The following COL24A1 variants were observed in gnomAD, a reference collection of about 807,000 sequenced individuals.
COL24A1 encodes collagen type XXIV alpha 1 chain.
COL24A1 carries 224 observed loss-of-function variants against 253.9 expected under a neutral mutation model. The ratio of observed to expected loss-of-function variants is 0.88; its 90% confidence interval spans 0.79 to 0.99. The LOEUF is 0.99. Ranked by LOEUF, COL24A1 falls within the 50% of genes least tolerant of loss-of-function variation. COL24A1 has a pLI of 0.00. For synonymous variants in COL24A1, 685 were observed against 673.7 expected (o/e 1.02, Z -0.26); for missense variants, 2,131 against 2,068.5 (o/e 1.03, Z -0.59).
chr1:85,910,061 G>A (rs1685220452), intron 25 of COL24A1, 58 bp from the exon 26 acceptor site: 1 of 1,350,026 alleles, frequency 7.4e-7, no homozygotes, highest in Non-Finnish European at 1.0e-6. Flanking sequence ...AGTCATGACT[G>A]AGCTAAGCCT....
At chr1:85,816,071 G>A (rs959688058) in intron 47 of COL24A1, among the ~76,000 whole-genome samples, 3 of 151,978 alleles carry the variant, frequency 2.0e-5, no homozygotes, top group African/African-American at 7.3e-5. Context: ...TCCTCACCAA[G>A]GCTGATTTGG....
chr1:85,868,718 G>C (rs1006244411), intron 36 of COL24A1, 64 bp downstream of exon 36: 1 of 1,407,060 alleles, frequency 7.1e-7, no homozygotes, highest in Non-Finnish European at 9.8e-7. Flanking sequence ...AAACAATGAT[G>C]TCTAATATTT....
chr1:85,836,128 A>G (rs1477577304), intron 43 of COL24A1, among the ~76,000 whole-genome samples: 2 of 152,326 alleles, frequency 1.3e-5, no homozygotes, highest in African/African-American at 4.8e-5. Context: ...AGACTTCCTC[A>G]TCAAACCTAG....
chr1:86,026,391 C>A (rs1698023326), intron 14 of COL24A1, among the ~76,000 whole-genome samples: 2 of 152,158 alleles, frequency 1.3e-5, no homozygotes, highest in Non-Finnish European at 2.9e-5. Context: ...AAAGGCAGGA[C>A]CAGGTGGACA....
intron 24 of COL24A1, among the ~76,000 whole-genome samples, chr1:85,937,067 C>G (rs993494237): frequency 6.8e-6 from 1 of 147,492 alleles, no homozygotes; most frequent in Non-Finnish European, 1.5e-5. Flanking sequence ...CCAGCCAGTA[C>G]CTCTTCTTTA....
At chr1:86,106,743 T>C (rs1705017119) in intron 5 of COL24A1, among the ~76,000 whole-genome samples, 1 of 152,162 alleles carries the variant, frequency 6.6e-6, no homozygotes, top group South Asian at 2.1e-4. Flanking sequence ...AAACAGGAAA[T>C]GGAATTTAGT....
intron 42 of COL24A1, among the ~76,000 whole-genome samples, 163 bp from the exon 43 acceptor site, chr1:85,838,801 G>A (rs1676293440): frequency 6.6e-6 from 1 of 152,148 alleles, no homozygotes; most frequent in South Asian, 2.1e-4. Context: ...GAATTTCAAT[G>A]ATACCAAGAA....
At chr1:85,835,120 C>CATAT (rs577103576) in intron 43 of COL24A1, among the ~76,000 whole-genome samples, 1 of 151,150 alleles carries the variant, frequency 6.6e-6, no homozygotes, top group Non-Finnish European at 1.5e-5. Flanking sequence ...TGACCAGAGA[C>CATAT]ATATATATAT....
At chr1:85,790,230 A>T (rs976495975) in intron 47 of COL24A1, among the ~76,000 whole-genome samples, 1 of 152,136 alleles carries the variant, frequency 6.6e-6, no homozygotes, top group Non-Finnish European at 1.5e-5. Flanking sequence ...TCAATTTCAG[A>T]ACTCATTATT....
intron 47 of COL24A1, among the ~76,000 whole-genome samples, 199 bp from the exon 48 acceptor site, chr1:85,786,660 A>C (rs556088361): frequency 2.0e-5 from 3 of 152,326 alleles, no homozygotes; most frequent in Admixed American, 6.5e-5. Context: ...TGAAATTTCT[A>C]TAATTTATGC....
intron 58 of COL24A1, chr1:85,736,427 C>G (rs1376504346): frequency 1.1e-5 from 5 of 456,264 alleles, no homozygotes; most frequent in Non-Finnish European, 2.2e-5. Flanking sequence ...TGCCAACTTC[C>G]ACTGGAATGA....
intron 40 of COL24A1, 92 bp from the exon 41 acceptor site, chr1:85,842,213 G>C: frequency 7.2e-7 from 1 of 1,395,468 alleles, no homozygotes; most frequent in Non-Finnish European, 1.0e-6. Context: ...CACTGTCTAG[G>C]AGGATGAGAC....
At chr1:85,987,459 TAA>T (rs1693818028) in intron 20 of COL24A1, 140 bp downstream of exon 20, 2 of 743,480 alleles carry the variant, frequency 2.7e-6, no homozygotes, top group Non-Finnish European at 4.4e-6. Context: ...ATCTGAAACC[TAA>T]AGTTTATTAA....
chr1:85,859,337 T>C (rs910557273), intron 37 of COL24A1, among the ~76,000 whole-genome samples: 1 of 152,160 alleles, frequency 6.6e-6, no homozygotes, highest in Admixed American at 6.6e-5. Flanking sequence ...GCATTAAATG[T>C]TGAAAGTAAA....
At chr1:85,991,204 A>C (rs1246964950) in intron 19 of COL24A1, among the ~76,000 whole-genome samples, 1 of 152,194 alleles carries the variant, frequency 6.6e-6, no homozygotes, top group East Asian at 1.9e-4. Flanking sequence ...AGGACCAAGA[A>C]ACAGGCAGAA....
intron 29 of COL24A1, 85 bp from the exon 30 acceptor site, chr1:85,896,150 T>C: frequency 1.4e-6 from 2 of 1,389,524 alleles, no homozygotes; most frequent in South Asian, 2.5e-5. Context: ...TACACTCACA[T>C]ACAAAAAAGA....
chr1:86,045,567 A>T (rs575302490), intron 12 of COL24A1, among the ~76,000 whole-genome samples: 2 of 152,276 alleles, frequency 1.3e-5, no homozygotes, highest in East Asian at 3.9e-4. Flanking sequence ...CATAAAAAAA[A>T]AAATTAACAC....
chr1:86,005,740 A>G (rs1321935726), intron 19 of COL24A1, among the ~76,000 whole-genome samples: 1 of 103,216 alleles, frequency 9.7e-6, no homozygotes, highest in Admixed American at 9.1e-5. Flanking sequence ...CAAGAAAAAG[A>G]AAAACCATAC....
In COL24A1 at chr1:85,786,490, T is replaced by C. The variant is rs147580438; in HGVS notation, c.3952-29A>G. 34 of 1,589,294 alleles carry C rather than the reference T, an allele frequency of 2.1e-5. No individual in the cohort carries two copies. In the African/African-American group the frequency reaches 3.8e-4, roughly 18 times the overall value. The stretch of plus-strand genomic sequence containing the variant: ...AATAACACAGATAAGAAATGAAAAC[T>C]GGGAAAGTTTCTAAAAAGTCAGTTT... On this transcript the variant is annotated intron_variant, in intron 47 of 59. Coordinates refer to ENST00000370571, the MANE Select transcript of COL24A1 (RefSeq NM_152890.7).
Sources: allele counts gnomAD v4.1 joint callset (sites outside exome capture counted in the v4.1 genomes callset), GRCh38; gene constraint gnomAD v4.1.1; transcripts MANE v1.5; gene names NCBI Gene and HGNC (gene_info 2026-07-23, HGNC 2026-07-21).